Variants in EIF4EBP2 observed in about 807,000 individuals in gnomAD.
EIF4EBP2 encodes the protein eukaryotic translation initiation factor 4E binding protein 2, also known as eukaryotic translation initiation factor 4E-binding protein 2.
In EIF4EBP2, 5 loss-of-function variants were observed where a neutral mutation model predicts 10.3. That is an observed-to-expected ratio of 0.48 (90% CI 0.25 to 1.02). EIF4EBP2 has a LOEUF of 1.02. Ranked by LOEUF, EIF4EBP2 falls within the 50% of genes least tolerant of loss-of-function variation. The probability of loss-of-function intolerance (pLI) is 0.15; values close to 1 mark genes in which losing one functional copy is unlikely to be tolerated. For missense variants in EIF4EBP2, 188 were observed against 162.2 expected (o/e 1.16, Z -0.86); for synonymous variants, 67 against 61.1 (o/e 1.10, Z -0.45).
chr10:70,410,327 C>G (rs888813528), intron 1 of EIF4EBP2, among the ~76,000 whole-genome samples: 2 of 151,968 alleles, frequency 1.3e-5, no homozygotes, highest in African/African-American at 4.8e-5. Context: ...ACCTCGGCCT[C>G]CCAGAGTGCT....
rs1165756501 is a variant in EIF4EBP2 at position 70,422,380 on chromosome 10, C to G, written c.*633C>G. 2.0e-5 allele frequency: 3 copies of G among 152,260 alleles called. No individual in the cohort carries two copies. In the East Asian group the frequency reaches 5.8e-4, roughly 29 times the overall value. 9.4% of individuals were successfully genotyped at this position (152,260 alleles called of 1,614,324 possible). A position where few individuals can be genotyped will look rare whatever the true frequency, so the allele number is the denominator to read the frequency against. ...TTACCCTGTGACACTGTTTTGAGGTCCACTTCCTTTCTTTCCTCTGGGAGG... is the reference window on the plus strand; with the variant it reads ...TTACCCTGTGACACTGTTTTGAGGTGCACTTCCTTTCTTTCCTCTGGGAGG... On this transcript the variant is annotated 3_prime_UTR_variant, in exon 3 of 3. Coordinates refer to ENST00000373218, the MANE Select transcript of EIF4EBP2 (RefSeq NM_004096.5).
intron 1 of EIF4EBP2, among the ~76,000 whole-genome samples, chr10:70,412,564 A>C (rs140087448): frequency 6.6e-6 from 1 of 152,304 alleles, no homozygotes; most frequent in Non-Finnish European, 1.5e-5. Flanking sequence ...CTTGGTATTG[A>C]AAGAGGCCGT....
chr10:70,420,687 G>T (rs1845146864), intron 2 of EIF4EBP2, among the ~76,000 whole-genome samples: 2 of 152,164 alleles, frequency 1.3e-5, no homozygotes, highest in African/African-American at 4.8e-5. Flanking sequence ...ATGCCTTAAG[G>T]ACTTCCTGGC....
rs1237136094 is a variant in EIF4EBP2 at position 70,421,650 on chromosome 10, G to A, written c.332-66G>A. 7.2e-6 allele frequency: 10 copies of A among 1,388,966 alleles called. No homozygotes were observed. The East Asian group carries it at 1.9e-4, about 26-fold the overall frequency. 86.0% of individuals were successfully genotyped at this position (1,388,966 alleles called of 1,614,324 possible). Reference sequence around the variant, plus strand: ...TTTTTGTCTCTCATTTAGAGGGAATGACAGTTAAAACTGTTATGCTTCTTT... The same window carrying A: ...TTTTTGTCTCTCATTTAGAGGGAATAACAGTTAAAACTGTTATGCTTCTTT... On this transcript the variant is annotated intron_variant, in intron 2 of 2. Transcript: ENST00000373218.
rs530010856 is a variant in EIF4EBP2 at position 70,408,613 on chromosome 10, C to T, written c.145+4067C>T. On this transcript the variant is annotated intron_variant, in intron 1 of 2. Coordinates refer to ENST00000373218, the MANE Select transcript of EIF4EBP2 (RefSeq NM_004096.5). ...CCTCTCATCATGTAATTTTATTTCC[C>T]TCAACCAGGGTGCAATAGTTTGTTA... Among the ~76,000 whole-genome samples, 8 of 152,224 alleles carry T rather than the reference C, an allele frequency of 5.3e-5. No individual in the cohort carries two copies. The East Asian group carries it at 1.4e-3, about 26-fold the overall frequency.
At position 70,422,061 on chromosome 10, in the gene EIF4EBP2, A is replaced by C. The variant is rs1220371206; in HGVS notation, c.*314A>C. On this transcript the variant is annotated 3_prime_UTR_variant, in exon 3 of 3. Transcript: ENST00000373218. ...GACTTTCCTAGTTGTTTTTTTATTGAGAGCCACCCTCATACCCTGTAATTT... is the reference window on the plus strand; with the variant it reads ...GACTTTCCTAGTTGTTTTTTTATTGCGAGCCACCCTCATACCCTGTAATTT... The C allele has an allele frequency of 5.5e-6, 2 of 362,484 alleles. No homozygotes were observed. The highest frequency in any genetic ancestry group is 4.0e-5 in the African/African-American group (2 of 49,548). 22.5% of individuals were successfully genotyped at this position (362,484 alleles called of 1,614,324 possible).
rs902568224 is a variant in EIF4EBP2, at chr10:70,427,958, T to TC, written c.*6212dup. 1.4e-5 allele frequency: 2 copies of TC among 143,472 alleles called. No homozygotes were observed. Among genetic ancestry groups the TC allele is most frequent in the African/African-American group, 5.0e-5 (2 of 39,746 alleles). The allele number at this position is 143,472 out of a possible 1,614,324, so 8.9% of individuals were successfully genotyped here. A position where few individuals can be genotyped will look rare whatever the true frequency, so the allele number is the denominator to read the frequency against. ...TGTATCCCCTTTCTCTCCAGCTTAATCTTTTTTTTTTTTTTTTTTTTAAAG... is the reference window on the plus strand; with the variant it reads ...TGTATCCCCTTTCTCTCCAGCTTAATCCTTTTTTTTTTTTTTTTTTTTAAAG... On this transcript the variant is annotated 3_prime_UTR_variant, in exon 3 of 3. Transcript: ENST00000373218.
chr10:70,418,523 G>A (rs1845121462), intron 1 of EIF4EBP2, among the ~76,000 whole-genome samples: 1 of 152,142 alleles, frequency 6.6e-6, no homozygotes, highest in Non-Finnish European at 1.5e-5. Flanking sequence ...AGGGCTTAGA[G>A]ACTTCTTAGG....
rs993799854 is a variant in EIF4EBP2, at chr10:70,424,294, A to G, written c.*2547A>G. ...TATTTCTTGGGAGTGTCAGCTGTATAATGCAGCAGCTGTTCAATCCCTTAC... is the reference window on the plus strand; with the variant it reads ...TATTTCTTGGGAGTGTCAGCTGTATGATGCAGCAGCTGTTCAATCCCTTAC... On this transcript the variant is annotated 3_prime_UTR_variant, in exon 3 of 3. Coordinates refer to ENST00000373218, the MANE Select transcript of EIF4EBP2 (RefSeq NM_004096.5). 11 of 152,188 alleles carry G rather than the reference A, an allele frequency of 7.2e-5. No homozygotes were observed. The highest frequency in any genetic ancestry group is 2.7e-4 in the African/African-American group (11 of 41,450). 9.4% of individuals were successfully genotyped at this position (152,188 alleles called of 1,614,324 possible). A position where few individuals can be genotyped will look rare whatever the true frequency, so the allele number is the denominator to read the frequency against.
chr10:70,414,812 G>T (rs1183487671), intron 1 of EIF4EBP2, among the ~76,000 whole-genome samples: 1 of 152,144 alleles, frequency 6.6e-6, no homozygotes, highest in African/African-American at 2.4e-5. Context: ...AGGTTGCAGT[G>T]AGCTGAGATC....
Position 70,404,524 on chromosome 10 carries a change from G to A in EIF4EBP2, c.123G>A (p.Thr41=). 1.9e-6 allele frequency: 3 copies of A among 1,587,134 alleles called. No individual in the cohort carries two copies. The highest frequency in any genetic ancestry group is 2.4e-5 in the East Asian group (1 of 41,380). The change falls in exon 1 of 3, where the codon ACG becomes ACA. Residue 41 remains threonine (T), a synonymous_variant. Coordinates refer to ENST00000373218, the MANE Select transcript of EIF4EBP2 (RefSeq NM_004096.5). ...PHDYCTTPGG[T]LFSTTPGGTR... ...ACTATTGCACCACGCCCGGGGGGACGCTCTTCTCCACCACACCGGGAGGTG... is the reference window on the plus strand; with the variant it reads ...ACTATTGCACCACGCCCGGGGGGACACTCTTCTCCACCACACCGGGAGGTG...
At chr10:70,412,340 T>G (rs1051900241) in intron 1 of EIF4EBP2, among the ~76,000 whole-genome samples, 36 of 146,712 alleles carry the variant, frequency 2.5e-4, no homozygotes, top group African/African-American at 8.4e-4. Context: ...AGTAAATGGT[T>G]AATTCTAATT....
At chr10:70,416,239 C>G (rs1469488688) in intron 1 of EIF4EBP2, among the ~76,000 whole-genome samples, 2 of 152,144 alleles carry the variant, frequency 1.3e-5, no homozygotes, top group Non-Finnish European at 2.9e-5. Flanking sequence ...AATTAGAACT[C>G]TTACACACTG....
rs1261648255 is a variant in EIF4EBP2, at chr10:70,427,802, C to G, written c.*6055C>G. The G allele has an allele frequency of 6.6e-6, 1 of 152,146 alleles. No homozygotes were observed. The highest frequency in any genetic ancestry group is 1.5e-5 in the Non-Finnish European group (1 of 68,030). The allele number at this position is 152,146 out of a possible 1,614,324, so 9.4% of individuals were successfully genotyped here. A position where few individuals can be genotyped will look rare whatever the true frequency, so the allele number is the denominator to read the frequency against. ...TAAGGGTGGGAGGCTGGCAGAGATGCTGCAATGCTTGATAATCATTTGGCC... is the reference window on the plus strand; with the variant it reads ...TAAGGGTGGGAGGCTGGCAGAGATGGTGCAATGCTTGATAATCATTTGGCC... On this transcript the variant is annotated 3_prime_UTR_variant, in exon 3 of 3. Coordinates refer to ENST00000373218, the MANE Select transcript of EIF4EBP2 (RefSeq NM_004096.5).
rs769998365 is a variant in EIF4EBP2 at position 70,404,372 on chromosome 10, G to C, written c.-30G>C. 1 of 1,512,292 alleles carries C rather than the reference G, an allele frequency of 6.6e-7. No individual in the cohort carries two copies. Among genetic ancestry groups the C allele is most frequent in the Non-Finnish European group, 8.8e-7 (1 of 1,131,570 alleles). The allele number at this position is 1,512,292 out of a possible 1,614,324, so 93.7% of individuals were successfully genotyped here. A position where few individuals can be genotyped will look rare whatever the true frequency, so the allele number is the denominator to read the frequency against. ...GCCCCGCCGCCGCCGCCTGCCCGCC[G>C]GACAAAGCCGAGAGCCCGCGCCCAC... On this transcript the variant is annotated 5_prime_UTR_variant, in exon 1 of 3. Coordinates refer to ENST00000373218, the MANE Select transcript of EIF4EBP2 (RefSeq NM_004096.5).
At chr10:70,417,969 A>G (rs1382797846) in intron 1 of EIF4EBP2, among the ~76,000 whole-genome samples, 2 of 152,232 alleles carry the variant, frequency 1.3e-5, no homozygotes, top group Admixed American at 6.5e-5. Flanking sequence ...CAAACCCACC[A>G]GACTAGAAAC....
At chr10:70,410,314 C>T (rs1845031483) in intron 1 of EIF4EBP2, among the ~76,000 whole-genome samples, 1 of 152,312 alleles carries the variant, frequency 6.6e-6, no homozygotes, top group Non-Finnish European at 1.5e-5. Context: ...AAGTGATCCG[C>T]CCACCTCGGC....
chr10:70,421,793 G>A lies in EIF4EBP2; in HGVS notation c.*46G>A. ...GAAAAGCAGCAACACTGATACTTGT[G>A]TGCACCTGATTTGGCCAATAGGATC... On this transcript the variant is annotated 3_prime_UTR_variant, in exon 3 of 3. Coordinates refer to ENST00000373218, the MANE Select transcript of EIF4EBP2 (RefSeq NM_004096.5). The A allele has an allele frequency of 1.9e-6, 3 of 1,598,552 alleles. No homozygotes were observed. The highest frequency in any genetic ancestry group is 1.7e-5 in the Admixed American group (1 of 59,896).
At chr10:70,405,943 C>A (rs931692689) in intron 1 of EIF4EBP2, among the ~76,000 whole-genome samples, 6 of 152,132 alleles carry the variant, frequency 3.9e-5, no homozygotes, top group Non-Finnish European at 8.8e-5. Context: ...TGGCTTAACT[C>A]ATGGAAGAAA....
Sources: allele counts gnomAD v4.1 joint callset (sites outside exome capture counted in the v4.1 genomes callset), GRCh38; gene constraint gnomAD v4.1.1; transcripts MANE v1.5; gene names NCBI Gene and HGNC (gene_info 2026-07-23, HGNC 2026-07-21).